The following HERC2 variants were observed in gnomAD, a reference collection of about 807,000 sequenced individuals.
The protein encoded by HERC2 is E3 ubiquitin-protein ligase HERC2.
HERC2 carries 102 observed loss-of-function variants against 537.7 expected under a neutral mutation model. The observed-to-expected ratio is 0.19, with a 90% CI of 0.16 to 0.22. HERC2 has a LOEUF of 0.22. Among genes scored for constraint, HERC2 ranks in the 10% least tolerant of loss-of-function variants. The probability of loss-of-function intolerance (pLI) is 1.00; values close to 1 mark genes in which losing one functional copy is unlikely to be tolerated. For synonymous variants in HERC2, 2,224 were observed against 2,466.2 expected, an observed-to-expected ratio of 0.90 and a Z score of 2.91; for missense variants, 4,236 against 6,198.2, an observed-to-expected ratio of 0.68 and a Z score of 10.63.
At chr15:28,169,909 A>G (rs1894522659) in intron 65 of HERC2, among the ~76,000 whole-genome samples, 1 of 152,270 alleles carries the variant, frequency 6.6e-6, no homozygotes, top group East Asian at 1.9e-4. Context: ...AAATGCACTT[A>G]CAACAGTTTA....
intron 23 of HERC2, among the ~76,000 whole-genome samples, chr15:28,243,563 G>A (rs543569436): frequency 4.1e-4 from 63 of 152,186 alleles, no homozygotes; most frequent in African/African-American, 1.2e-3. Context: ...AGAAAAATGC[G>A]CACAAAACTT....
At chr15:28,215,356 T>C (rs550461065) in intron 39 of HERC2, among the ~76,000 whole-genome samples, 6 of 152,208 alleles carry the variant, frequency 3.9e-5, no homozygotes, top group Non-Finnish European at 7.3e-5. Context: ...AGTTTAATTC[T>C]TAAGACAATT....
intron 86 of HERC2, among the ~76,000 whole-genome samples, chr15:28,119,865 T>G (rs937434744): frequency 6.6e-6 from 1 of 152,182 alleles, no homozygotes; most frequent in African/African-American, 2.4e-5. Flanking sequence ...GCTCAGCATG[T>G]AATGACTTCT....
intron 4 of HERC2, among the ~76,000 whole-genome samples, chr15:28,285,047 C>G (rs1423321304): frequency 1.4e-5 from 2 of 143,964 alleles, no homozygotes; most frequent in African/African-American, 2.6e-5. Flanking sequence ...ACCAAACAAA[C>G]AAAGAAACAA....
intron 75 of HERC2, 76 bp from the exon 76 acceptor site, chr15:28,142,469 C>T: frequency 7.0e-7 from 1 of 1,423,694 alleles, no homozygotes; most frequent in South Asian, 1.3e-5. Flanking sequence ...GTGGCTCCTT[C>T]CGCAGGACCT....
chr15:28,163,071 G>A, intron 69 of HERC2, 23 bp downstream of exon 69: 1 of 1,590,382 alleles, frequency 6.3e-7, no homozygotes, highest in Non-Finnish European at 8.6e-7. Context: ...GAATCAGACG[G>A]CCCCGCCCTC....
chr15:28,147,138 TAG>T (rs1203027301), intron 70 of HERC2, among the ~76,000 whole-genome samples: 1 of 150,096 alleles, frequency 6.7e-6, no homozygotes, highest in South Asian at 2.1e-4. Context: ...CCAGAATGTC[TAG>T]AGTGAGGGAA....
intron 57 of HERC2, among the ~76,000 whole-genome samples, chr15:28,181,830 G>A (rs1895849030): frequency 6.6e-6 from 1 of 152,236 alleles, no homozygotes; most frequent in Non-Finnish European, 1.5e-5. Context: ...CTATGGCACG[G>A]CTTCCCGTGC....
At chr15:28,270,350 T>G (rs1467053050) in intron 10 of HERC2, among the ~76,000 whole-genome samples, 1 of 151,956 alleles carries the variant, frequency 6.6e-6, no homozygotes, top group African/African-American at 2.4e-5. Context: ...TCACCAGCAT[T>G]ACATACTAAG....
intron 57 of HERC2, among the ~76,000 whole-genome samples, chr15:28,179,975 A>T (rs901357961): frequency 4.6e-5 from 7 of 152,192 alleles, no homozygotes; most frequent in African/African-American, 1.7e-4. Flanking sequence ...AAAGAAAGAA[A>T]AATATTTTGC....
chr15:28,210,827 T>C (rs1269964836), intron 44 of HERC2, among the ~76,000 whole-genome samples, 175 bp downstream of exon 44: 2 of 152,166 alleles, frequency 1.3e-5, no homozygotes, highest in African/African-American at 4.8e-5. Flanking sequence ...CAGTCTTGTC[T>C]TATAAGATGA....
At chr15:28,115,830 T>TC (rs1888171413) in intron 88 of HERC2, among the ~76,000 whole-genome samples, 1 of 152,206 alleles carries the variant, frequency 6.6e-6, no homozygotes, top group Non-Finnish European at 1.5e-5. Context: ...AGCTGGAACT[T>TC]CCCCACGGGA....
At chr15:28,123,884 C>G (rs955177259) in intron 85 of HERC2, among the ~76,000 whole-genome samples, 153 bp downstream of exon 85, 1 of 152,194 alleles carries the variant, frequency 6.6e-6, no homozygotes, top group African/African-American at 2.4e-5. Context: ...ATATAAAGTA[C>G]CCAGAACAGA....
At chr15:28,275,391 A>G (rs545856631) in intron 5 of HERC2, among the ~76,000 whole-genome samples, 1 of 152,342 alleles carries the variant, frequency 6.6e-6, no homozygotes, top group South Asian at 2.1e-4. Flanking sequence ...GCAGAGCCGC[A>G]GAGGGTAGCC....
intron 52 of HERC2, among the ~76,000 whole-genome samples, chr15:28,194,653 T>C (rs953878897): frequency 6.6e-6 from 1 of 152,094 alleles, no homozygotes; most frequent in African/African-American, 2.4e-5. Context: ...TTTGGAACTT[T>C]TGTTTGAGCA....
intron 78 of HERC2, among the ~76,000 whole-genome samples, chr15:28,139,222 T>G (rs1010735947): frequency 1.3e-5 from 2 of 152,236 alleles, no homozygotes; most frequent in Admixed American, 1.3e-4. Flanking sequence ...GACCTGCTTC[T>G]GATGAGCAGA....
At chr15:28,215,463 T>C (rs1899791819) in intron 39 of HERC2, among the ~76,000 whole-genome samples, 158 bp downstream of exon 39, 1 of 152,186 alleles carries the variant, frequency 6.6e-6, no homozygotes, top group South Asian at 2.1e-4. Context: ...TTACCAATTA[T>C]CAAGGACCTC....
chr15:28,205,158 C>T (rs1438006326), intron 45 of HERC2, among the ~76,000 whole-genome samples: 4 of 152,044 alleles, frequency 2.6e-5, no homozygotes, highest in African/African-American at 9.7e-5. Context: ...AGAACAACAA[C>T]TCTCCATCAG....
intron 19 of HERC2, among the ~76,000 whole-genome samples, chr15:28,254,931 C>G (rs1163375286): frequency 6.6e-6 from 1 of 152,204 alleles, no homozygotes; most frequent in Admixed American, 6.5e-5. Context: ...ACTATGAACA[C>G]GCACCTGCCC....
Sources: allele counts gnomAD v4.1 joint callset (sites outside exome capture counted in the v4.1 genomes callset), GRCh38; gene constraint gnomAD v4.1.1; transcripts MANE v1.5; gene names NCBI Gene and HGNC (gene_info 2026-07-23, HGNC 2026-07-21).